BCAR3: variants seen among roughly 807,000 people sequenced by gnomAD.
The protein encoded by BCAR3 is BCAR3 adaptor protein, NSP family member.
BCAR3 carries 37 observed loss-of-function variants against 80.1 expected under a neutral mutation model. That is an observed-to-expected ratio of 0.46 (90% confidence interval 0.36 to 0.61). The LOEUF (loss-of-function observed/expected upper bound fraction) is 0.61, where lower values mean the gene tolerates loss of function less well. BCAR3 is among the 20% of genes least tolerant of loss of function. BCAR3 has a pLI of 0.00. For missense variants in BCAR3, 978 were observed against 1,068.2 expected (o/e 0.92, Z 1.18); for synonymous variants, 389 against 418.9 (o/e 0.93, Z 0.87).
intron 2 of BCAR3, among the ~76,000 whole-genome samples, chr1:93,709,839 T>C (rs1356043171): frequency 6.6e-6 from 1 of 152,208 alleles, no homozygotes; most frequent in Non-Finnish European, 1.5e-5. Flanking sequence ...AACATAATCA[T>C]GGTGGAATGT....
At chr1:93,845,502 A>ATATATATATATCTATCTCATGTTGTCAAG in intron 2 of BCAR3, 3 of 113,822 alleles carry the variant, frequency 2.6e-5, no homozygotes, top group East Asian at 2.5e-4. Flanking sequence ...ATATATATAT[A>ATATATATATATCTATCTCATGTTGTCAAG]AAACTTTGTT....
intron 9 of BCAR3, among the ~76,000 whole-genome samples, chr1:93,571,154 A>T (rs1376039700): frequency 2.0e-5 from 3 of 151,986 alleles, no homozygotes; most frequent in African/African-American, 7.3e-5. Context: ...CAATGAGCCA[A>T]GATCACACCA....
chr1:93,825,471 A>C (rs1388960608), intron 2 of BCAR3, among the ~76,000 whole-genome samples: 1 of 134,066 alleles, frequency 7.5e-6, no homozygotes, highest in African/African-American at 2.5e-5. Context: ...GAACAGTTAA[A>C]AGTTAAGGTC....
At chr1:93,620,968 C>A (rs1365419856) in intron 3 of BCAR3, among the ~76,000 whole-genome samples, 1 of 152,222 alleles carries the variant, frequency 6.6e-6, no homozygotes, top group South Asian at 2.1e-4. Flanking sequence ...TAAAGCCACA[C>A]ATCCCTATCT....
chr1:93,837,775 C>G (rs1654820088), intron 2 of BCAR3, among the ~76,000 whole-genome samples: 1 of 152,252 alleles, frequency 6.6e-6, no homozygotes, highest in African/African-American at 2.4e-5. Context: ...TAGGTGCCAT[C>G]TGTAATGAGT....
At chr1:93,614,170 A>G (rs1675036519) in intron 3 of BCAR3, 3 of 1,286,440 alleles carry the variant, frequency 2.3e-6, no homozygotes, top group Non-Finnish European at 2.9e-6. Context: ...CCAGCCTGCC[A>G]TGCACACAGT....
intron 2 of BCAR3, among the ~76,000 whole-genome samples, chr1:93,762,150 G>A (rs140850164): frequency 1.7e-3 from 255 of 152,260 alleles, no homozygotes; most frequent in African/African-American, 6.1e-3. Flanking sequence ...TCTCTCCATA[G>A]GGGCTGAAGA....
chr1:93,577,668 C>T (rs116539394), intron 7 of BCAR3, among the ~76,000 whole-genome samples: 3,128 of 152,346 alleles, frequency 0.021, 40 homozygotes, highest in Middle Eastern at 0.061. Flanking sequence ...AGATTTACAA[C>T]TTGACCTTGG....
intron 2 of BCAR3, among the ~76,000 whole-genome samples, chr1:93,720,786 C>CCCTGGGCCTGAGGG (rs1202662015): frequency 5.3e-5 from 8 of 152,248 alleles, no homozygotes; most frequent in African/African-American, 1.9e-4. Context: ...CCCCTACACA[C>CCCTGGGCCTGAGGG]CCTGGGCCTG....
intron 3 of BCAR3, among the ~76,000 whole-genome samples, chr1:93,630,058 G>A (rs1675566665): frequency 6.6e-6 from 1 of 152,190 alleles, no homozygotes; most frequent in Non-Finnish European, 1.5e-5. Flanking sequence ...TAAGTGCCCA[G>A]TGTGTGTACA....
At chr1:93,656,364 C>T (rs1006321725) in intron 2 of BCAR3, among the ~76,000 whole-genome samples, 1 of 151,846 alleles carries the variant, frequency 6.6e-6, no homozygotes, top group Non-Finnish European at 1.5e-5. Flanking sequence ...GTGCTATGTT[C>T]TGTGTGATTA....
At chr1:93,788,184 T>C (rs545146075) in intron 2 of BCAR3, among the ~76,000 whole-genome samples, 1 of 152,218 alleles carries the variant, frequency 6.6e-6, no homozygotes, top group African/African-American at 2.4e-5. Flanking sequence ...TTTTTCCACC[T>C]CTTTATGTGA....
chr1:93,757,546 G>A (rs1571102184), intron 2 of BCAR3, among the ~76,000 whole-genome samples: 1 of 152,156 alleles, frequency 6.6e-6, no homozygotes, highest in Non-Finnish European at 1.5e-5. Flanking sequence ...ACCCTTCAGC[G>A]AGCATCACGA....
At chr1:93,716,549 T>C (rs1650196898) in intron 2 of BCAR3, among the ~76,000 whole-genome samples, 1 of 152,202 alleles carries the variant, frequency 6.6e-6, no homozygotes, top group Admixed American at 6.5e-5. Context: ...AACCAGGCCC[T>C]AAAAGGATTT....
intron 3 of BCAR3, among the ~76,000 whole-genome samples, chr1:93,627,700 TTAAA>T (rs1411593222): frequency 1.3e-5 from 2 of 152,236 alleles, no homozygotes; most frequent in South Asian, 2.1e-4. Context: ...TAAAAATAAG[TTAAA>T]TAAACATTTT....
intron 2 of BCAR3, among the ~76,000 whole-genome samples, chr1:93,715,895 C>T (rs945159124): frequency 2.0e-5 from 3 of 152,180 alleles, no homozygotes; most frequent in Non-Finnish European, 2.9e-5. Context: ...AACCTTAATG[C>T]GTTTGAGTAG....
intron 2 of BCAR3, chr1:93,775,333 T>G (rs1314637784): frequency 6.6e-6 from 1 of 152,176 alleles, no homozygotes; most frequent in Non-Finnish European, 1.5e-5. Context: ...TGGCTGTGAG[T>G]GCTCTCAGAG....
Position 93,804,065 on chromosome 1 carries a change from C to T in BCAR3, c.-63+41502G>A, listed in dbSNP as rs558877270. Among the ~76,000 whole-genome samples the T allele has an allele frequency of 2.0e-5, 3 of 152,326 alleles. No homozygotes were observed. The East Asian group carries it at 5.8e-4, about 29-fold the overall frequency. ...GCAGCTTATGCCTGTAATCCCAGTA[C>T]TTTGGGAGGCTGAGGTGGGAGGATG... is the stretch of plus-strand genomic sequence containing the variant. On this transcript the variant is annotated intron_variant, in intron 2 of 13. Transcript: ENST00000370244.
intron 2 of BCAR3, among the ~76,000 whole-genome samples, chr1:93,786,431 A>C (rs182483708): frequency 7.9e-5 from 12 of 152,334 alleles, no homozygotes; most frequent in Admixed American, 2.6e-4. Context: ...TGGGTCCTCC[A>C]GCTCCCATTT....
Sources: allele counts gnomAD v4.1 joint callset (sites outside exome capture counted in the v4.1 genomes callset), GRCh38; gene constraint gnomAD v4.1.1; transcripts MANE v1.5; gene names NCBI Gene and HGNC (gene_info 2026-07-23, HGNC 2026-07-21).